The following ZNF592 variants were observed in gnomAD, a reference collection of about 807,000 sequenced individuals.
The protein encoded by ZNF592 is spinocerebellar ataxia, autosomal recessive 5.
ZNF592 carries 11 observed loss-of-function variants against 80.3 expected under a neutral mutation model. The observed-to-expected ratio is 0.14, with a 90% CI of 0.09 to 0.23. The LOEUF is 0.23. Ranked by LOEUF, ZNF592 falls within the 10% of genes least tolerant of loss-of-function variation. The pLI is 1.00. For missense variants in ZNF592, 1,420 were observed against 1,633.9 expected, an observed-to-expected ratio of 0.87 and a Z score of 2.26; for synonymous variants, 646 against 640.3, an observed-to-expected ratio of 1.01 and a Z score of -0.13.
chr15:84,764,922 T>C, intron 2 of ZNF592, 107 bp downstream of exon 2: 1 of 389,122 alleles, frequency 2.6e-6, no homozygotes, highest in East Asian at 3.6e-5. Context: ...TTTTTTTTGA[T>C]GATAAAATAC....
At chr15:84,777,681 G>A (rs919025349) in intron 2 of ZNF592, among the ~76,000 whole-genome samples, 9 of 146,630 alleles carry the variant, frequency 6.1e-5, no homozygotes, top group Admixed American at 6.8e-5. Context: ...AAATAATTTC[G>A]TCTGTTGAGA....
At chr15:84,755,972 G>T (rs1005415550) in intron 1 of ZNF592, among the ~76,000 whole-genome samples, 1 of 152,212 alleles carries the variant, frequency 6.6e-6, no homozygotes, top group Non-Finnish European at 1.5e-5. Context: ...AGCTTCATTA[G>T]TTGGTTGCTT....
chr15:84,799,029 G>T lies in ZNF592; in HGVS notation c.3025-69G>T. ...ATCCTCCTTTCTGCCCATGGCATCT[G>T]AGAAGAAAAATGCACCCAGAACTAT... On this transcript the variant is annotated intron_variant, in intron 8 of 10. Coordinates refer to ENST00000560079, the MANE Select transcript of ZNF592 (RefSeq NM_014630.3). This position sits in a 1 kb window ranked among gnomAD's most constrained non-coding sequence, Gnocchi z 4.2. 6.2e-6 allele frequency: 10 copies of T among 1,603,488 alleles called. No homozygotes were observed. Among genetic ancestry groups the T allele is most frequent in the Non-Finnish European group, 7.7e-6 (9 of 1,170,458 alleles).
At chr15:84,800,749 T>G (rs35960805) in intron 10 of ZNF592, among the ~76,000 whole-genome samples, 30,185 of 152,238 alleles carry the variant, frequency 0.2, 3,811 homozygotes, top group Middle Eastern at 0.36. Context: ...CACATACCCT[T>G]TGATCCAGCA....
intron 2 of ZNF592, among the ~76,000 whole-genome samples, chr15:84,775,400 A>G (rs1397229816): frequency 1.3e-5 from 2 of 148,372 alleles, no homozygotes; most frequent in African/African-American, 4.9e-5. Flanking sequence ...CCAGCTAATC[A>G]TACTGGGTGT....
chr15:84,763,237 T>G (rs569630779), intron 1 of ZNF592, among the ~76,000 whole-genome samples: 2 of 152,254 alleles, frequency 1.3e-5, no homozygotes, highest in East Asian at 3.9e-4. Flanking sequence ...AACTGTAAGA[T>G]TCCTACACAT....
chr15:84,756,685 C>T (rs1404289950), intron 1 of ZNF592, among the ~76,000 whole-genome samples: 3 of 152,152 alleles, frequency 2.0e-5, no homozygotes, highest in African/African-American at 7.2e-5. Context: ...AAAACTATCA[C>T]CATTTAATAC....
chr15:84,774,937 C>T (rs1399591966), intron 2 of ZNF592, among the ~76,000 whole-genome samples: 7 of 151,806 alleles, frequency 4.6e-5, no homozygotes, highest in Admixed American at 3.9e-4. Flanking sequence ...TACACCACCA[C>T]GCCCAGCTAG....
At chr15:84,770,821 C>T (rs986056917) in intron 2 of ZNF592, among the ~76,000 whole-genome samples, 1 of 152,148 alleles carries the variant, frequency 6.6e-6, no homozygotes, top group Admixed American at 6.5e-5. Flanking sequence ...TGTCCAGCAG[C>T]GGCCTTCAGA....
At position 84,790,796 on chromosome 15, in the gene ZNF592, C is replaced by T; in HGVS notation, c.2312C>T (p.Pro771Leu). ...GCACACAAGTCCCCCTACTGCTGCC[C>T]GGAGTGTGGGGTCCTCTGCCGCTCT... is the stretch of plus-strand genomic sequence containing the variant. ...IHAHKSPYCC[P>L]ECGVLCRSAY... The change falls in exon 5 of 11, where the codon CCG becomes CTG. Residue 771 changes from proline to leucine, a missense_variant. Transcript: ENST00000560079. The T allele has an allele frequency of 1.2e-6, 2 of 1,614,194 alleles. No homozygotes were observed. The highest frequency in any genetic ancestry group is 1.7e-6 in the Non-Finnish European group (2 of 1,180,036).
intron 2 of ZNF592, among the ~76,000 whole-genome samples, chr15:84,773,343 C>A (rs577080664): frequency 2.6e-5 from 4 of 152,000 alleles, no homozygotes. Flanking sequence ...TCCCGAGTAG[C>A]TGGGATTACA....
At chr15:84,793,079 A>ATTTTT (rs1567074726) in intron 5 of ZNF592, among the ~76,000 whole-genome samples, 1 of 150,318 alleles carries the variant, frequency 6.7e-6, no homozygotes, top group Non-Finnish European at 1.5e-5. Flanking sequence ...CAAGAAAAAA[A>ATTTTT]ATTTTTTTTT....
At chr15:84,791,729 T>C (rs1168523751) in intron 5 of ZNF592, among the ~76,000 whole-genome samples, 1 of 152,026 alleles carries the variant, frequency 6.6e-6, no homozygotes, top group Non-Finnish European at 1.5e-5. Context: ...AATAGAGAAA[T>C]GGTCAGGAAA....
chr15:84,767,658 C>T (rs933211961), intron 2 of ZNF592, among the ~76,000 whole-genome samples: 18 of 151,978 alleles, frequency 1.2e-4, no homozygotes, highest in African/African-American at 4.4e-4. Context: ...ACTGTGCTTG[C>T]TGCCTATGCC....
intron 3 of ZNF592, among the ~76,000 whole-genome samples, chr15:84,780,436 C>T (rs1293234000): frequency 6.6e-6 from 1 of 152,188 alleles, no homozygotes; most frequent in African/African-American, 2.4e-5. Flanking sequence ...CAGTGACATC[C>T]AGTATGTTCC....
intron 2 of ZNF592, among the ~76,000 whole-genome samples, chr15:84,766,706 A>AGTGTGTGTGTGTGT (rs10667788): frequency 0.022 from 3,060 of 140,192 alleles, 52 homozygotes; most frequent in Middle Eastern, 0.029. Flanking sequence ...GATGAGAAAG[A>AGTGTGTGTGTGTGT]GTGTGTGTGT....
At chr15:84,766,916 G>A (rs1271713745) in intron 2 of ZNF592, among the ~76,000 whole-genome samples, 1 of 152,076 alleles carries the variant, frequency 6.6e-6, no homozygotes, top group African/African-American at 2.4e-5. Flanking sequence ...GGAACTGTAG[G>A]TTGTCTGTGG....
At position 84,782,985 on chromosome 15, in the gene ZNF592, C is replaced by G. The variant is rs748772528; in HGVS notation, c.310C>G (p.Pro104Ala). Residue 104 changes from proline to alanine, a missense_variant, in exon 4 of 11, where the codon CCC becomes GCC. By Grantham distance (27) the Pro-to-Ala change is conservative (BLOSUM62 -1). Around this residue, in one of 7 missense-constraint regions of ZNF592, gnomAD observed 373 missense variants for 355.5 expected, o/e 1.05. Transcript: ENST00000560079. ...GFRGSDLPPD[P>A]HNCGKFDSTF... is the part of the protein sequence containing the mutation. ...CCGGGGCTCAGATCTGCCTCCAGAT[C>G]CCCACAACTGTGGGAAATTTGATTC... is the stretch of plus-strand genomic sequence containing the variant. 2 of 1,614,046 alleles carry G rather than the reference C, an allele frequency of 1.2e-6. No individual in the cohort carries two copies. Among genetic ancestry groups the G allele is most frequent in the African/African-American group, 2.7e-5 (2 of 74,912 alleles).
intron 5 of ZNF592, among the ~76,000 whole-genome samples, chr15:84,796,346 C>G (rs867612747): frequency 6.8e-6 from 1 of 146,098 alleles, no homozygotes. Flanking sequence ...AATGAAGGCA[C>G]GCCTTTTATT....
Sources: gnomAD v4.1 joint callset for allele counts (sites outside exome capture counted in the v4.1 genomes callset) on GRCh38, gnomAD v4.1.1 for gene constraint, gnomAD v4.1.1 regional missense constraint, Gnocchi (gnomAD v3.1) non-coding constraint, MANE v1.5 for transcripts, NCBI Gene and HGNC (gene_info 2026-07-23, HGNC 2026-07-21) for gene names.